CHD5: variants seen among roughly 807,000 people sequenced by gnomAD.
CHD5 encodes the protein ATP-dependent chromatin remodeler CHD5.
A neutral mutation model predicts 230.3 loss-of-function variants in CHD5; 69 were observed. That is an observed-to-expected ratio of 0.30 (90% CI 0.25 to 0.37). The LOEUF is 0.37. CHD5 is among the 10% of genes least tolerant of loss of function. CHD5 has a pLI of 1.00. For missense variants in CHD5, 1,827 were observed against 2,622.8 expected, an observed-to-expected ratio of 0.70 and a Z score of 6.63; for synonymous variants, 1,064 against 1,065.9, an observed-to-expected ratio of 1.00 and a Z score of 0.03.
rs1376282664 is a variant in CHD5, at chr1:6,146,454, G to T, written c.1591-31C>A. 1 of 1,597,968 alleles carries T rather than the reference G, an allele frequency of 6.3e-7. No homozygotes were observed. The highest frequency in any genetic ancestry group is 1.7e-5 in the Admixed American group (1 of 59,594). ...CATGGAGCGGCACAAAGTCACAGAAGGGAGATGGGCCATGGTCCCCTGCAT... is the reference window on the plus strand; with the variant it reads ...CATGGAGCGGCACAAAGTCACAGAATGGAGATGGGCCATGGTCCCCTGCAT... On this transcript the variant is annotated intron_variant, in intron 10 of 41. Transcript: ENST00000262450. The surrounding 1 kb of genome is among the most constrained non-coding windows in gnomAD (Gnocchi z 5.1).
intron 34 of CHD5, 116 bp from the exon 35 acceptor site, chr1:6,112,393 C>T (rs749282851): frequency 2.3e-6 from 3 of 1,304,778 alleles, no homozygotes; most frequent in Non-Finnish European, 3.2e-6. Flanking sequence ...CTCTTGTCCT[C>T]AGGGGACTCG....
intron 25 of CHD5, 74 bp downstream of exon 25, chr1:6,127,972 G>A: frequency 7.6e-7 from 1 of 1,323,244 alleles, no homozygotes; most frequent in South Asian, 1.4e-5. Context: ...ACAGTGGAAG[G>A]CGTGGACACA....
intron 36 of CHD5, 58 bp from the exon 37 acceptor site, chr1:6,110,584 G>T (rs1666271961): frequency 1.9e-6 from 3 of 1,582,002 alleles, no homozygotes; most frequent in South Asian, 1.1e-5. Context: ...GGCCGTAGGG[G>T]GAGGCAGCTC....
intron 29 of CHD5, 105 bp downstream of exon 29, chr1:6,124,995 C>T (rs1666531332): frequency 8.1e-7 from 1 of 1,238,288 alleles, no homozygotes; most frequent in Non-Finnish European, 1.1e-6. Flanking sequence ...CAGACGGCCT[C>T]ATCCTGGCGG....
intron 30 of CHD5, 27 bp from the exon 31 acceptor site, chr1:6,124,134 G>A: frequency 1.9e-6 from 3 of 1,601,536 alleles, no homozygotes; most frequent in Admixed American, 1.7e-5. Context: ...GAAGGTGGAA[G>A]GGAAAGAGGG....
Position 6,126,506 on chromosome 1 carries a change from G to T in CHD5, c.4078+66C>A. Reference sequence around the variant, plus strand: ...CGGGGGTTCTGCACAGGGATGCCCTGACAGAATCCTGCCCCACCCTCCGCC... The same window carrying T: ...CGGGGGTTCTGCACAGGGATGCCCTTACAGAATCCTGCCCCACCCTCCGCC... On this transcript the variant is annotated intron_variant, in intron 26 of 41. Transcript: ENST00000262450. The surrounding 1 kb of genome is among the most constrained non-coding windows in gnomAD (Gnocchi z 5.7). 4 of 1,357,046 alleles carry T rather than the reference G, an allele frequency of 2.9e-6. No individual in the cohort carries two copies. The allele number at this position is 1,357,046 out of a possible 1,614,324, so 84.1% of individuals were successfully genotyped here. A position where few individuals can be genotyped will look rare whatever the true frequency, so the allele number is the denominator to read the frequency against.
chr1:6,125,307 AGAAAAGCATGGGAG>A lies in CHD5; in HGVS notation c.4261-88_4261-75del. The A allele has an allele frequency of 1.4e-6, 2 of 1,462,190 alleles. No individual in the cohort carries two copies. Among genetic ancestry groups the A allele is most frequent in the Non-Finnish European group, 1.8e-6 (2 of 1,084,270 alleles). 90.6% of individuals were successfully genotyped at this position (1,462,190 alleles called of 1,614,324 possible). A position where few individuals can be genotyped will look rare whatever the true frequency, so the allele number is the denominator to read the frequency against. On this transcript the variant is annotated intron_variant, in intron 28 of 41. Coordinates refer to ENST00000262450, the MANE Select transcript of CHD5 (RefSeq NM_015557.3). This position sits in a 1 kb window ranked among gnomAD's most constrained non-coding sequence, Gnocchi z 6.7. ...GGGTGGAGGATTCTGGGATGGGGGAAGAAAAGCATGGGAGGAGGAGAAGGTAGGAAGGGGGCACA... is the reference window on the plus strand; with the variant it reads ...GGGTGGAGGATTCTGGGATGGGGGAAGAGGAGAAGGTAGGAAGGGGGCACA...
intron 39 of CHD5, 21 bp downstream of exon 39, chr1:6,106,595 G>A: frequency 6.4e-7 from 1 of 1,555,454 alleles, no homozygotes; most frequent in Non-Finnish European, 8.7e-7. Flanking sequence ...CTCGGGCCGG[G>A]GCACACAGGC....
chr1:6,156,466 A>G lies in CHD5; in HGVS notation c.388-749T>C, dbSNP rs529158377. On this transcript the variant is annotated intron_variant, in intron 3 of 41. Coordinates refer to ENST00000262450, the MANE Select transcript of CHD5 (RefSeq NM_015557.3). ...CAGGAGAATCACTTGAACTCGGGAGACGGAGGTTGCAGTGAGCCGAGATGG... is the reference window on the plus strand; with the variant it reads ...CAGGAGAATCACTTGAACTCGGGAGGCGGAGGTTGCAGTGAGCCGAGATGG... Among the ~76,000 whole-genome samples, 46 of 149,826 alleles carry G rather than the reference A, an allele frequency of 3.1e-4. 1 individual carries two copies. The highest frequency in any genetic ancestry group is 2.8e-3 in the South Asian group (13 of 4,708).
In CHD5 at chr1:6,124,677, G is replaced by A. The variant is rs759657248; in HGVS notation, c.4395-16C>T. On this transcript the variant is annotated splice_polypyrimidine_tract_variant and intron_variant, in intron 29 of 41. Coordinates refer to ENST00000262450, the MANE Select transcript of CHD5 (RefSeq NM_015557.3). ...CACATAGGCTCTGGGGTGGGGGGGG[G>A]GGACTGGGGCTCAGGGAGTGGGGGG... The A allele has an allele frequency of 4.7e-6, 3 of 643,890 alleles. No homozygotes were observed. The highest frequency in any genetic ancestry group is 5.7e-6 in the Non-Finnish European group (2 of 350,566). 39.9% of individuals were successfully genotyped at this position (643,890 alleles called of 1,614,324 possible). A position where few individuals can be genotyped will look rare whatever the true frequency, so the allele number is the denominator to read the frequency against.
intron 5 of CHD5, among the ~76,000 whole-genome samples, chr1:6,153,647 C>T (rs758416516): frequency 9.9e-5 from 15 of 152,042 alleles, no homozygotes; most frequent in Non-Finnish European, 1.8e-4. Flanking sequence ...CTGGCCAACA[C>T]GGTGAAACCC....
At position 6,105,005 on chromosome 1, in the gene CHD5, G is replaced by T. The variant is rs1345569246; in HGVS notation, c.*469C>A. 4.8e-6 allele frequency: 1 copy of T among 208,592 alleles called. No homozygotes were observed. Among genetic ancestry groups the T allele is most frequent in the Non-Finnish European group, 9.8e-6 (1 of 102,526 alleles). The allele number at this position is 208,592 out of a possible 1,614,324, so 12.9% of individuals were successfully genotyped here. On this transcript the variant is annotated 3_prime_UTR_variant, in exon 42 of 42. Coordinates refer to ENST00000262450, the MANE Select transcript of CHD5 (RefSeq NM_015557.3). The surrounding 1 kb of genome is among the most constrained non-coding windows in gnomAD (Gnocchi z 4.8). ...ACCGGGCGCCATGTCCTCCCCAGCT[G>T]GGCTGAGTCCACAGGGCAGTGCCAG... is the stretch of plus-strand genomic sequence containing the variant.
Position 6,128,860 on chromosome 1 carries a change from T to A in CHD5, c.3597A>T (p.Glu1199Asp). 6.2e-7 allele frequency: 1 copy of A among 1,612,246 alleles called. No homozygotes were observed. The highest frequency in any genetic ancestry group is 1.7e-4 in the Middle Eastern group (1 of 6,060). The part of the protein sequence containing the change: ...LDDILKFGTE[E>D]LFKDDVEGMM... ...CACCCTCCACGTCGTCCTTGAAGAGTTCCTCCGTGCCGAACTTGAGGATGT... is the reference window on the plus strand; with the variant it reads ...CACCCTCCACGTCGTCCTTGAAGAGATCCTCCGTGCCGAACTTGAGGATGT... Residue 1199 changes from glutamate (E) to aspartate (D), a missense_variant, in exon 23 of 42, where the codon GAA (glutamate) becomes GAT (aspartate). Coordinates refer to ENST00000262450, the MANE Select transcript of CHD5 (RefSeq NM_015557.3). The surrounding 1 kb of genome is among the most constrained non-coding windows in gnomAD (Gnocchi z 7.8).
intron 38 of CHD5, among the ~76,000 whole-genome samples, chr1:6,107,837 A>AG (rs1666217625): frequency 1.7e-5 from 2 of 118,810 alleles, no homozygotes; most frequent in Non-Finnish European, 3.5e-5. Context: ...GGGATGATGA[A>AG]GGATAATGGA....
At chr1:6,177,464 G>A (rs1223105037) in intron 1 of CHD5, among the ~76,000 whole-genome samples, 1 of 152,212 alleles carries the variant, frequency 6.6e-6, no homozygotes, top group Non-Finnish European at 1.5e-5. Context: ...AGTTACATTC[G>A]AAGGGGAACC....
intron 2 of CHD5, among the ~76,000 whole-genome samples, chr1:6,159,791 G>A (rs1406608604): frequency 6.6e-6 from 1 of 152,382 alleles, no homozygotes; most frequent in Admixed American, 6.5e-5. Flanking sequence ...GCTCTCGTGA[G>A]AGCAGGCTTC....
chr1:6,155,803 TG>T lies in CHD5; in HGVS notation c.388-87del, dbSNP rs1371369190. On this transcript the variant is annotated intron_variant, in intron 3 of 41. Coordinates refer to ENST00000262450, the MANE Select transcript of CHD5 (RefSeq NM_015557.3). The surrounding 1 kb of genome is among the most constrained non-coding windows in gnomAD (Gnocchi z 4.0). ...CCCAGGGTCTCTGCCTAGGAGGCTT[TG>T]GCACAGGGGAAAGAGGAGGGGTTGT... is the stretch of plus-strand genomic sequence containing the variant. 9.9e-7 allele frequency: 1 copy of T among 1,014,548 alleles called. No individual in the cohort carries two copies. Among genetic ancestry groups the T allele is most frequent in the Non-Finnish European group, 1.5e-6 (1 of 653,116 alleles). The allele number at this position is 1,014,548 out of a possible 1,614,324, so 62.8% of individuals were successfully genotyped here.
Position 6,134,910 on chromosome 1 carries a change from G to A in CHD5, c.2871-51C>T. ...GGCTGGGTCAGACCCGCCTCCATGA[G>A]GGCTCTCTCTGCTCTGCAGTGGGGC... On this transcript the variant is annotated intron_variant, in intron 18 of 41. Coordinates refer to ENST00000262450, the MANE Select transcript of CHD5 (RefSeq NM_015557.3). This position sits in a 1 kb window ranked among gnomAD's most constrained non-coding sequence, Gnocchi z 6.3. 1 of 1,610,280 alleles carries A rather than the reference G, an allele frequency of 6.2e-7. No individual in the cohort carries two copies. The highest frequency in any genetic ancestry group is 8.5e-7 in the Non-Finnish European group (1 of 1,177,340).
At position 6,128,037 on chromosome 1, in the gene CHD5, G is replaced by A. The variant is rs375674371; in HGVS notation, c.3903+9C>T. ...GGGCTGCGGATGGAGGGCGGGCCGG[G>A]GACCTTACCACGCCGTCCTCCTCGC... On this transcript the variant is annotated intron_variant, in intron 25 of 41. Transcript: ENST00000262450. The surrounding 1 kb of genome is among the most constrained non-coding windows in gnomAD (Gnocchi z 7.8). The A allele has an allele frequency of 2.3e-5, 36 of 1,592,832 alleles. No homozygotes were observed. The highest frequency in any genetic ancestry group is 3.0e-5 in the Non-Finnish European group (35 of 1,169,960).
Sources: allele counts gnomAD v4.1 joint callset (sites outside exome capture counted in the v4.1 genomes callset), GRCh38; gene constraint gnomAD v4.1.1; non-coding constraint Gnocchi (gnomAD v3.1); transcripts MANE v1.5; gene names NCBI Gene and HGNC (gene_info 2026-07-23, HGNC 2026-07-21).